The following THSD4 variants were observed in gnomAD, a reference collection of about 807,000 sequenced individuals.
The protein encoded by THSD4 is thrombospondin type-1 domain-containing protein 4.
Under a neutral mutation model 119.0 loss-of-function variants are expected in THSD4, and 69 were observed. The observed-to-expected ratio is 0.58, with a 90% CI of 0.48 to 0.71. The LOEUF (loss-of-function observed/expected upper bound fraction) is 0.71. THSD4 is among the 30% of genes least tolerant of loss of function. The pLI is 0.00. For synonymous variants in THSD4, 524 were observed against 540.4 expected, an observed-to-expected ratio of 0.97 and a Z score of 0.42; for missense variants, 1,393 against 1,391.1, an observed-to-expected ratio of 1.00 and a Z score of -0.02.
chr15:71,448,676 C>G (rs2047222496), intron 7 of THSD4, among the ~76,000 whole-genome samples: 1 of 152,162 alleles, frequency 6.6e-6, no homozygotes, highest in Non-Finnish European at 1.5e-5. Flanking sequence ...TCCCTGAGTC[C>G]TGTAATGATC....
At chr15:71,259,409 G>C (rs1442548066) in intron 6 of THSD4, among the ~76,000 whole-genome samples, 1 of 152,186 alleles carries the variant, frequency 6.6e-6, no homozygotes, top group Admixed American at 6.5e-5. Context: ...TGCAGCTCTA[G>C]GAAACTAATA....
At chr15:71,708,687 C>G (rs994068330) in intron 8 of THSD4, among the ~76,000 whole-genome samples, 3 of 152,186 alleles carry the variant, frequency 2.0e-5, no homozygotes, top group Non-Finnish European at 4.4e-5. Context: ...GATTTTCATT[C>G]TGACCTGGAG....
intron 6 of THSD4, among the ~76,000 whole-genome samples, chr15:71,344,341 C>A (rs2045626563): frequency 6.6e-6 from 1 of 152,140 alleles, no homozygotes; most frequent in Admixed American, 6.5e-5. Flanking sequence ...CTGTGCCCAG[C>A]CCAGCCAGGA....
chr15:71,325,839 G>A (rs1400078697), intron 6 of THSD4, among the ~76,000 whole-genome samples: 1 of 152,144 alleles, frequency 6.6e-6, no homozygotes. Flanking sequence ...ACTCTAGATA[G>A]TTTGTCCAGG....
intron 7 of THSD4, among the ~76,000 whole-genome samples, chr15:71,509,645 C>T (rs1595841105): frequency 6.6e-6 from 1 of 152,232 alleles, no homozygotes; most frequent in Admixed American, 6.5e-5. Context: ...CCAAATCCCA[C>T]ATATTTTATT....
intron 2 of THSD4, among the ~76,000 whole-genome samples, chr15:71,146,436 GC>G (rs1213768945): frequency 3.4e-5 from 5 of 146,886 alleles, no homozygotes; most frequent in Non-Finnish European, 5.9e-5. Context: ...CACCTAATTT[GC>G]CAGTAGTTTT....
At chr15:71,341,683 G>A in intron 6 of THSD4, 1 of 1,380,820 alleles carries the variant, frequency 7.2e-7, no homozygotes, top group Non-Finnish European at 1.0e-6. Context: ...ATTTCGTGGG[G>A]TTCTCCGGGT....
intron 6 of THSD4, among the ~76,000 whole-genome samples, chr15:71,324,183 T>G (rs2045311209): frequency 6.6e-6 from 1 of 152,156 alleles, no homozygotes; most frequent in African/African-American, 2.4e-5. Context: ...TAGCTGTTTT[T>G]TGTGTTCTTT....
chr15:71,298,774 G>A (rs575286840), intron 6 of THSD4, among the ~76,000 whole-genome samples: 6 of 152,018 alleles, frequency 3.9e-5, no homozygotes, highest in Non-Finnish European at 7.4e-5. Flanking sequence ...CGCCACACCC[G>A]GCTAATTTTT....
At chr15:71,298,573 TG>T (rs2044898129) in intron 6 of THSD4, among the ~76,000 whole-genome samples, 1 of 151,670 alleles carries the variant, frequency 6.6e-6, no homozygotes, top group Non-Finnish European at 1.5e-5. Flanking sequence ...TCCCTCCTTC[TG>T]TGAGACTGAG....
At chr15:71,327,817 A>T (rs544795962) in intron 6 of THSD4, among the ~76,000 whole-genome samples, 1 of 152,282 alleles carries the variant, frequency 6.6e-6, no homozygotes, top group African/African-American at 2.4e-5. Flanking sequence ...AACCTTTTGT[A>T]TTTATATATA....
Position 71,349,421 on chromosome 15 carries a change from A to G in THSD4, c.1016-62266A>G, listed in dbSNP as rs530760304. On this transcript the variant is annotated intron_variant, in intron 6 of 17. Coordinates refer to ENST00000261862, the MANE Select transcript of THSD4 (RefSeq NM_024817.3). Reference sequence around the variant, plus strand: ...AAACAAAGATGACACGAGCCTGTTCACTTCTCCACATGCCTGTCCATCTCC... The same window carrying G: ...AAACAAAGATGACACGAGCCTGTTCGCTTCTCCACATGCCTGTCCATCTCC... 4.6e-5 allele frequency among the ~76,000 whole-genome samples: 7 copies of G among 152,294 alleles called. No homozygotes were observed. In the East Asian group the frequency reaches 9.7e-4, roughly 21 times the overall value.
intron 8 of THSD4, among the ~76,000 whole-genome samples, chr15:71,726,534 G>A (rs1283955380): frequency 6.6e-6 from 1 of 152,186 alleles, no homozygotes; most frequent in Non-Finnish European, 1.5e-5. Context: ...TTTTGCATAT[G>A]TATACATTTT....
rs1376628403 is a variant in THSD4, at chr15:71,782,483, C to T, written c.*5109C>T. Reference sequence around the variant, plus strand: ...TTATAGGAAATATGTATTCTGAACTCTATCTGCAGAATGAGTCACTACACC... The same window carrying T: ...TTATAGGAAATATGTATTCTGAACTTTATCTGCAGAATGAGTCACTACACC... On this transcript the variant is annotated 3_prime_UTR_variant, in exon 18 of 18. Coordinates refer to ENST00000261862, the MANE Select transcript of THSD4 (RefSeq NM_024817.3). The T allele has an allele frequency of 6.6e-6, 1 of 152,176 alleles. No individual in the cohort carries two copies. The highest frequency in any genetic ancestry group is 1.9e-4 in the East Asian group (1 of 5,194). 9.4% of individuals were successfully genotyped at this position (152,176 alleles called of 1,614,324 possible).
At chr15:71,222,815 T>C (rs2043985518) in intron 4 of THSD4, among the ~76,000 whole-genome samples, 1 of 152,146 alleles carries the variant, frequency 6.6e-6, no homozygotes, top group Admixed American at 6.5e-5. Context: ...CAGTGCTTTA[T>C]TAGAATCTAG....
At chr15:71,716,931 T>A (rs943772930) in intron 8 of THSD4, among the ~76,000 whole-genome samples, 10 of 152,226 alleles carry the variant, frequency 6.6e-5, no homozygotes, top group Non-Finnish European at 1.3e-4. Context: ...GGGTCAGACC[T>A]GACCAGATGA....
intron 7 of THSD4, among the ~76,000 whole-genome samples, chr15:71,415,610 A>G (rs1283519337): frequency 6.6e-6 from 1 of 152,170 alleles, no homozygotes; most frequent in African/African-American, 2.4e-5. Context: ...CTGTTGTGCT[A>G]TCAAATACTA....
chr15:71,734,915 A>G (rs949946660), intron 10 of THSD4, among the ~76,000 whole-genome samples: 7 of 151,620 alleles, frequency 4.6e-5, no homozygotes, highest in Admixed American at 1.3e-4. Context: ...GCCCTTTTCT[A>G]TGCATACACA....
chr15:71,517,401 C>T (rs2048376587), intron 7 of THSD4, among the ~76,000 whole-genome samples: 1 of 152,168 alleles, frequency 6.6e-6, no homozygotes, highest in African/African-American at 2.4e-5. Context: ...TGTGTCCTAA[C>T]CTCACTTTCA....
Sources: gnomAD v4.1 joint callset for allele counts (sites outside exome capture counted in the v4.1 genomes callset) on GRCh38, gnomAD v4.1.1 for gene constraint, MANE v1.5 for transcripts, NCBI Gene and HGNC (gene_info 2026-07-23, HGNC 2026-07-21) for gene names.